Variants in CACNA1H observed in about 807,000 individuals in gnomAD.
CACNA1H encodes voltage-dependent T-type calcium channel subunit alpha-1H.
Under a neutral mutation model 192.5 loss-of-function variants are expected in CACNA1H, and 149 were observed. The observed-to-expected ratio is 0.77, with a 90% CI of 0.68 to 0.89. The LOEUF is 0.89. Ranked by LOEUF, CACNA1H falls within the 40% of genes least tolerant of loss-of-function variation. The probability of loss-of-function intolerance (pLI) is 0.00; values close to 1 mark genes in which losing one functional copy is unlikely to be tolerated. For synonymous variants in CACNA1H, 2,202 were observed against 1,475.2 expected (o/e 1.49, Z -11.29); for missense variants, 4,257 against 3,423.5 (o/e 1.24, Z -6.08).
rs1596381818 is a variant in CACNA1H at position 1,195,285 on chromosome 16, A to G, written c.412-147A>G. On this transcript the variant is annotated intron_variant, in intron 3 of 34. Transcript: ENST00000348261. ...CGAGAGGCGAGGTTCAAGGCGAGGC[A>G]GGGCTCAGTTCCTGGGGCTCAGGGC... 1.3e-5 allele frequency: 10 copies of G among 774,556 alleles called. No homozygotes were observed. The East Asian group carries it at 7.0e-4, about 55-fold the overall frequency. 48.0% of individuals were successfully genotyped at this position (774,556 alleles called of 1,614,324 possible).
rs1420786569 is a variant in CACNA1H at position 1,221,671 on chromosome 16, A to T, written c.*677A>T. The T allele has an allele frequency of 1.3e-5, 14 of 1,114,260 alleles. No individual in the cohort carries two copies. Among genetic ancestry groups the T allele is most frequent in the Non-Finnish European group, 1.8e-5 (14 of 797,908 alleles). The allele number at this position is 1,114,260 out of a possible 1,614,324, so 69.0% of individuals were successfully genotyped here. On this transcript the variant is annotated 3_prime_UTR_variant, in exon 35 of 35. Coordinates refer to ENST00000348261, the MANE Select transcript of CACNA1H (RefSeq NM_021098.3). ...ACACCTTTGTTTCGTGTGCTTTTAA[A>T]TTCAGGTTAAATGTTGCAATAATCT...
At chr16:1,178,690 G>A (rs1013955337) in intron 2 of CACNA1H, among the ~76,000 whole-genome samples, 2 of 152,206 alleles carry the variant, frequency 1.3e-5, no homozygotes, top group Non-Finnish European at 2.9e-5. Flanking sequence ...CTGTCCCTCG[G>A]GTCCCTCCCT....
chr16:1,201,933 G>A lies in CACNA1H; in HGVS notation c.1483G>A (p.Val495Met). Residue 495 changes from valine to methionine, a missense_variant, in exon 9 of 35, where the codon GTG becomes ATG. Coordinates refer to ENST00000348261, the MANE Select transcript of CACNA1H (RefSeq NM_021098.3). ...RWRKKVDPSA[V>M]QGQGPGHRQR... ...GCGCAAGAAGGTGGACCCCAGTGCT[G>A]TGCAAGGCCAGGGTCCCGGGCACCG... The A allele has an allele frequency of 6.5e-7, 1 of 1,549,286 alleles. No individual in the cohort carries two copies. The highest frequency in any genetic ancestry group is 8.7e-7 in the Non-Finnish European group (1 of 1,146,428).
chr16:1,179,480 T>G (rs1965248713), intron 2 of CACNA1H, among the ~76,000 whole-genome samples: 1 of 152,134 alleles, frequency 6.6e-6, no homozygotes. Flanking sequence ...GTGTCGTTGT[T>G]GTTGCTGGTG....
chr16:1,210,974 G>T lies in CACNA1H; in HGVS notation c.4223+3G>T. 4.4e-6 allele frequency: 7 copies of T among 1,592,210 alleles called. No homozygotes were observed. The highest frequency in any genetic ancestry group is 6.0e-6 in the Non-Finnish European group (7 of 1,174,784). On this transcript the variant is annotated splice_donor_region_variant and intron_variant, in intron 21 of 34. Transcript: ENST00000348261. ...CTGCGGACCCTGCGGCCTCTGAGGT[G>T]GGGGGCTCCCCGTGGGCTCCCGGGG...
intron 2 of CACNA1H, among the ~76,000 whole-genome samples, chr16:1,192,088 G>A (rs965405288): frequency 2.0e-5 from 3 of 152,214 alleles, no homozygotes; most frequent in African/African-American, 7.2e-5. Flanking sequence ...GGATGCACCT[G>A]GATGGGAGGG....
At chr16:1,161,702 A>G (rs1963216449) in intron 2 of CACNA1H, among the ~76,000 whole-genome samples, 1 of 152,154 alleles carries the variant, frequency 6.6e-6, no homozygotes, top group Non-Finnish European at 1.5e-5. Flanking sequence ...AAGGGGCCAG[A>G]TGCGGTCCCG....
Position 1,195,095 on chromosome 16 carries a change from G to A in CACNA1H, c.411+12G>A. 2 of 1,563,024 alleles carry A rather than the reference G, an allele frequency of 1.3e-6. No homozygotes were observed. Among genetic ancestry groups the A allele is most frequent in the South Asian group, 1.1e-5 (1 of 89,942 alleles). ...GCAACATCCTGGAGGTGAGGGGCGT[G>A]GGTCGGGGTGGGGAAGGAGCGTGGG... is the stretch of plus-strand genomic sequence containing the variant. On this transcript the variant is annotated intron_variant, in intron 3 of 34. Coordinates refer to ENST00000348261, the MANE Select transcript of CACNA1H (RefSeq NM_021098.3).
At chr16:1,189,216 C>T (rs933481930) in intron 2 of CACNA1H, among the ~76,000 whole-genome samples, 12 of 152,064 alleles carry the variant, frequency 7.9e-5, no homozygotes, top group Non-Finnish European at 1.2e-4. Context: ...CTGAAGCGTC[C>T]TGGGCGGGAC....
intron 14 of CACNA1H, 54 bp from the exon 15 acceptor site, chr16:1,207,716 A>G (rs1023344497): frequency 1.0e-4 from 147 of 1,453,540 alleles, no homozygotes; most frequent in Admixed American, 2.0e-5. Context: ...TCCGGCATGA[A>G]GGGTCCCCAC....
rs545670013 is a variant in CACNA1H, at chr16:1,207,137, G to A, written c.2907+19G>A. 3.1e-5 allele frequency: 49 copies of A among 1,565,104 alleles called. No individual in the cohort carries two copies. The highest frequency in any genetic ancestry group is 1.9e-4 in the South Asian group (16 of 85,768). On this transcript the variant is annotated intron_variant, in intron 13 of 34. Transcript: ENST00000348261. ...GTTCCAGGTAGTGCCCGGGGTCCCC[G>A]CAGCAGTGTTGGGTGCTGAGTGTGG...
intron 2 of CACNA1H, among the ~76,000 whole-genome samples, chr16:1,175,702 A>G (rs1254901720): frequency 6.6e-6 from 1 of 152,260 alleles, no homozygotes; most frequent in Non-Finnish European, 1.5e-5. Flanking sequence ...GGAGGAGACC[A>G]GATCTCCTTC....
At chr16:1,189,668 C>G (rs897702134) in intron 2 of CACNA1H, among the ~76,000 whole-genome samples, 3 of 152,082 alleles carry the variant, frequency 2.0e-5, no homozygotes, top group African/African-American at 7.2e-5. Flanking sequence ...AATGATCCTC[C>G]TGCCTCAGCC....
chr16:1,210,514 G>A (rs757549537), intron 19 of CACNA1H, 21 bp downstream of exon 19: 11 of 1,610,848 alleles, frequency 6.8e-6, no homozygotes, highest in Admixed American at 6.7e-5. Context: ...CAACCCCATC[G>A]TCCCGGGCCA....
At chr16:1,189,831 C>A (rs767273549) in intron 2 of CACNA1H, among the ~76,000 whole-genome samples, 2 of 152,176 alleles carry the variant, frequency 1.3e-5, no homozygotes, top group African/African-American at 4.8e-5. Context: ...CAGCCCTGTT[C>A]CCCTGTTCAG....
rs781087089 is a variant in CACNA1H, at chr16:1,220,905, T to TA, written c.6974dup (p.Tyr2325Ter). ...GDPPEKRRGL[Y>*]LTVPQCPLEK... ...CCCCCCAGAGAAGAGGCGGGGGCTG[T>TA]ACCTCACAGTCCCCCAGTGTCCTCT... The change falls in exon 35 of 35, where the codon TAC (tyrosine) becomes TAAC (stop). Residue 2325 changes from tyrosine (Y) to a stop codon, truncating the protein, a stop_gained and frameshift_variant. Coordinates refer to ENST00000348261, the MANE Select transcript of CACNA1H (RefSeq NM_021098.3). LOFTEE classifies it low-confidence loss of function (END_TRUNC). 1.3e-5 allele frequency: 21 copies of TA among 1,611,568 alleles called. No individual in the cohort carries two copies. In the South Asian group the frequency reaches 2.1e-4, roughly 16 times the overall value.
chr16:1,169,366 C>T (rs991498346), intron 2 of CACNA1H, among the ~76,000 whole-genome samples: 4 of 152,222 alleles, frequency 2.6e-5, no homozygotes, highest in South Asian at 2.1e-4. Context: ...GCCCTCCCAC[C>T]CTCTGACACA....
chr16:1,181,468 C>A (rs1273047180), intron 2 of CACNA1H, among the ~76,000 whole-genome samples: 1 of 152,236 alleles, frequency 6.6e-6, no homozygotes, highest in African/African-American at 2.4e-5. Context: ...GGTGGTCGTG[C>A]CCCCGAGGTC....
chr16:1,203,005 T>C (rs1968172095), intron 9 of CACNA1H, among the ~76,000 whole-genome samples: 1 of 146,808 alleles, frequency 6.8e-6, no homozygotes, highest in African/African-American at 2.5e-5. Flanking sequence ...CCCCAGATGG[T>C]AGGGTTCCAC....
Sources: gnomAD v4.1 joint callset for allele counts (sites outside exome capture counted in the v4.1 genomes callset) on GRCh38, gnomAD v4.1.1 for gene constraint, MANE v1.5 for transcripts, NCBI Gene and HGNC (gene_info 2026-07-23, HGNC 2026-07-21) for gene names.